Variants in PCLO observed in about 807,000 individuals in gnomAD.
PCLO encodes protein piccolo.
In PCLO, 82 loss-of-function variants were observed where a neutral mutation model predicts 427.5. The ratio of observed to expected loss-of-function variants is 0.19; its 90% CI spans 0.16 to 0.23. The LOEUF (loss-of-function observed/expected upper bound fraction) is 0.23. Ranked by LOEUF, PCLO falls within the 10% of genes least tolerant of loss-of-function variation. The pLI, the probability that PCLO is intolerant of heterozygous loss-of-function variation, is 1.00. For synonymous variants in PCLO, 2,357 were observed against 2,155.4 expected, an observed-to-expected ratio of 1.09 and a Z score of -2.59; for missense variants, 6,239 against 6,115.9, an observed-to-expected ratio of 1.02 and a Z score of -0.67.
chr7:83,037,989 TTATATATATATATATATA>T lies in PCLO; in HGVS notation c.3301-71520_3301-71503del, dbSNP rs1161030427. Among the ~76,000 whole-genome samples the T allele has an allele frequency of 1.4e-3, 19 of 13,594 alleles. No homozygotes were observed. The South Asian group carries it at 0.028, about 20-fold the overall frequency. 8.9% of individuals were successfully genotyped at this position (13,594 alleles called of 152,430 possible). A position where few individuals can be genotyped will look rare whatever the true frequency, so the allele number is the denominator to read the frequency against. ...GTTGTGTGGAGGTGTAAGGAGGAGC[TTATATATATATATATATA>T]TATATATATATATATATATATATTT... On this transcript the variant is annotated intron_variant, in intron 3 of 24. Transcript: ENST00000333891.
chr7:82,824,246 G>C lies in PCLO; in HGVS notation c.14586C>G (p.Asp4862Glu). 1 of 1,610,916 alleles carries C rather than the reference G, an allele frequency of 6.2e-7. No individual in the cohort carries two copies. The highest frequency in any genetic ancestry group is 8.5e-7 in the Non-Finnish European group (1 of 1,178,220). Residue 4862 changes from aspartate (D) to glutamate (E), a missense_variant, in exon 19 of 25, where the codon GAC (aspartate) becomes GAG (glutamate). Asp to Glu is a conservative substitution (Grantham distance 45). Coordinates refer to ENST00000333891, the MANE Select transcript of PCLO (RefSeq NM_033026.6). ...IKSRSHGIFP[D>E]PSKDMQVPTI... ...AAAAATATTTCCTACCCTTTGATGG[G>C]TCAGGGAAGATACCATGGCTTCTGC...
intron 3 of PCLO, among the ~76,000 whole-genome samples, chr7:83,058,204 G>A (rs1789449934): frequency 2.0e-5 from 3 of 152,180 alleles, no homozygotes; most frequent in South Asian, 2.1e-4. Context: ...AGAGTAGTTT[G>A]AAATCAGGAC....
intron 3 of PCLO, among the ~76,000 whole-genome samples, chr7:82,998,821 GT>G (rs1456696913): frequency 6.6e-6 from 1 of 151,610 alleles, no homozygotes; most frequent in African/African-American, 2.4e-5. Context: ...AAAAACAACA[GT>G]TTGAAAAGAC....
chr7:82,900,938 C>T (rs1794022909), intron 9 of PCLO, among the ~76,000 whole-genome samples: 1 of 151,568 alleles, frequency 6.6e-6, no homozygotes, highest in African/African-American at 2.4e-5. Flanking sequence ...TATAAAAGAA[C>T]ACAAACAAAA....
At chr7:82,944,897 A>C (rs1196581802) in intron 6 of PCLO, among the ~76,000 whole-genome samples, 1 of 152,196 alleles carries the variant, frequency 6.6e-6, no homozygotes, top group Non-Finnish European at 1.5e-5. Context: ...TTCTGATTCT[A>C]CCCATTTTTA....
In PCLO at chr7:82,955,870, C is replaced by G; in HGVS notation, c.5083G>C (p.Glu1695Gln). 6.2e-7 allele frequency: 1 copy of G among 1,613,824 alleles called. No homozygotes were observed. Among genetic ancestry groups the G allele is most frequent in the Non-Finnish European group, 8.5e-7 (1 of 1,179,826 alleles). The stretch of plus-strand genomic sequence containing the variant: ...CTTTCCATTTCCAATTCTGGCTCTT[C>G]GTCAAAATACAAACTTGTTTTTTTC... ...SQKKTSLYFD[E>Q]EPELEMESLT... Residue 1695 changes from glutamate (E) to glutamine (Q), a missense_variant, in exon 5 of 25, where the codon GAA becomes CAA. Glu to Gln is a conservative substitution (Grantham distance 29). Coordinates refer to ENST00000333891, the MANE Select transcript of PCLO (RefSeq NM_033026.6).
intron 24 of PCLO, 151 bp downstream of exon 24, chr7:82,760,488 A>G (rs1198494441): frequency 1.1e-5 from 5 of 463,200 alleles, no homozygotes; most frequent in African/African-American, 6.1e-5. Context: ...GTGGAATTCT[A>G]AAAGATTCCT....
At chr7:83,036,125 G>C (rs1004432272) in intron 3 of PCLO, among the ~76,000 whole-genome samples, 1 of 152,082 alleles carries the variant, frequency 6.6e-6, no homozygotes, top group African/African-American at 2.4e-5. Context: ...AAATCTTACT[G>C]CTTCCTAAGC....
chr7:83,155,987 C>T lies in PCLO; in HGVS notation c.654G>A (p.Pro218=), dbSNP rs1361089909. The T allele has an allele frequency of 5.0e-6, 8 of 1,613,502 alleles. No homozygotes were observed. Among genetic ancestry groups the T allele is most frequent in the African/African-American group, 1.3e-5 (1 of 74,886 alleles). ...KPPLQQQPPK[P]IPKQQGPGRD... ...TACCAGGTCCTTGCTGCTTAGGAAT[C>T]GGCTTGGGTGGCTGTTGTTGTAAAG... Residue 218 remains proline, a synonymous_variant, in exon 2 of 25, where the codon CCG becomes CCA. Coordinates refer to ENST00000333891, the MANE Select transcript of PCLO (RefSeq NM_033026.6).
rs1182422553 is a variant in PCLO, at chr7:82,954,964, C to G, written c.5989G>C (p.Glu1997Gln). Residue 1997 changes from glutamate (E) to glutamine (Q), a missense_variant, in exon 5 of 25, where the codon GAA (glutamate) becomes CAA (glutamine). By Grantham distance (29) the Glu-to-Gln change is conservative. Coordinates refer to ENST00000333891, the MANE Select transcript of PCLO (RefSeq NM_033026.6). The part of the protein sequence containing the change: ...KGREQKIRLS[E>Q]QIYEDPMQKI... ...TGCATAGGATCTTCATAAATCTGTT[C>G]TGAAAGTCTTATCTTTTGCTCTCTT... The G allele has an allele frequency of 3.7e-6, 6 of 1,613,684 alleles. No homozygotes were observed. The highest frequency in any genetic ancestry group is 5.1e-6 in the Non-Finnish European group (6 of 1,179,862).
At chr7:83,111,583 C>T (rs1423790004) in intron 3 of PCLO, among the ~76,000 whole-genome samples, 1 of 152,146 alleles carries the variant, frequency 6.6e-6, no homozygotes, top group Admixed American at 6.6e-5. Flanking sequence ...GCTGAGAGTC[C>T]ACAAAGAAAC....
intron 3 of PCLO, among the ~76,000 whole-genome samples, chr7:83,097,837 T>A (rs1341226171): frequency 1.3e-5 from 2 of 151,852 alleles, no homozygotes; most frequent in Non-Finnish European, 2.9e-5. Context: ...TTTAGCTGAA[T>A]AAGAAACGTT....
chr7:82,765,244 T>C (rs1790509317), intron 22 of PCLO, among the ~76,000 whole-genome samples: 1 of 151,880 alleles, frequency 6.6e-6, no homozygotes, highest in Non-Finnish European at 1.5e-5. Context: ...AACTCCTGTA[T>C]CATTTCAAGT....
At chr7:82,884,276 T>C (rs1184514627) in intron 9 of PCLO, among the ~76,000 whole-genome samples, 2 of 152,164 alleles carry the variant, frequency 1.3e-5, no homozygotes, top group African/African-American at 2.4e-5. Flanking sequence ...CAAGATGGCC[T>C]GCCATATGAC....
At position 82,917,037 on chromosome 7, in the gene PCLO, T is replaced by C. The variant is rs571235308; in HGVS notation, c.11113-164A>G. Reference sequence around the variant, plus strand: ...TATAATTTCAAGTATTGGTCACAAATACAATTAACTGAAAAATAATTTTTT... The same window carrying C: ...TATAATTTCAAGTATTGGTCACAAACACAATTAACTGAAAAATAATTTTTT... On this transcript the variant is annotated intron_variant, in intron 6 of 24. Transcript: ENST00000333891. 2.6e-5 allele frequency among the ~76,000 whole-genome samples: 4 copies of C among 152,272 alleles called. No individual in the cohort carries two copies. In the South Asian group the frequency reaches 6.2e-4, roughly 24 times the overall value.
intron 3 of PCLO, among the ~76,000 whole-genome samples, chr7:83,055,300 T>C (rs1030945764): frequency 1.3e-5 from 2 of 152,154 alleles, no homozygotes; most frequent in African/African-American, 4.8e-5. Context: ...ATGAGATTCC[T>C]AATGGTCTGT....
chr7:83,116,503 G>T (rs1412835330), intron 3 of PCLO, among the ~76,000 whole-genome samples: 1 of 151,920 alleles, frequency 6.6e-6, no homozygotes, highest in Non-Finnish European at 1.5e-5. Flanking sequence ...TTTTTTTACT[G>T]AATTTTTAAA....
At chr7:82,999,014 T>TA (rs936395969) in intron 3 of PCLO, among the ~76,000 whole-genome samples, 9 of 150,036 alleles carry the variant, frequency 6.0e-5, no homozygotes, top group East Asian at 5.9e-4. Flanking sequence ...ATGTTAGGGA[T>TA]AAAAAAAACA....
chr7:82,883,578 T>C (rs1467700254), intron 9 of PCLO, among the ~76,000 whole-genome samples: 3 of 152,092 alleles, frequency 2.0e-5, no homozygotes, highest in Non-Finnish European at 2.9e-5. Flanking sequence ...ATCACCTTAA[T>C]AACAATCCAT....
Sources: allele counts gnomAD v4.1 joint callset (sites outside exome capture counted in the v4.1 genomes callset), GRCh38; gene constraint gnomAD v4.1.1; transcripts MANE v1.5; gene names NCBI Gene and HGNC (gene_info 2026-07-23, HGNC 2026-07-21).